The following CALN1 variants were observed in gnomAD, a reference collection of about 807,000 sequenced individuals.
CALN1 encodes calneuron 1.
CALN1 carries 17 observed loss-of-function variants against 30.6 expected under a neutral mutation model. The ratio of observed to expected loss-of-function variants is 0.56; its 90% confidence interval spans 0.38 to 0.83. CALN1 has a LOEUF of 0.83. CALN1 is among the 40% of genes least tolerant of loss of function. The probability of loss-of-function intolerance (pLI) is 0.00; values close to 1 mark genes in which losing one functional copy is unlikely to be tolerated. For missense variants in CALN1, 291 were observed against 354.9 expected (o/e 0.82, Z 1.45); for synonymous variants, 156 against 131.4 (o/e 1.19, Z -1.28).
chr7:71,940,943 T>TA (rs1383288660), intron 5 of CALN1, among the ~76,000 whole-genome samples: 5 of 152,162 alleles, frequency 3.3e-5, no homozygotes, highest in Non-Finnish European at 7.3e-5. Flanking sequence ...CTTAGTTTTA[T>TA]ACAAATTACT....
chr7:72,406,979 G>C (rs1806739124), intron 1 of CALN1, among the ~76,000 whole-genome samples: 2 of 152,156 alleles, frequency 1.3e-5, no homozygotes, highest in South Asian at 4.1e-4. Flanking sequence ...AATGCCCCTG[G>C]AACACTGCCC....
intron 5 of CALN1, among the ~76,000 whole-genome samples, chr7:71,912,418 C>T (rs1794471860): frequency 6.6e-6 from 1 of 152,088 alleles, no homozygotes; most frequent in South Asian, 2.1e-4. Flanking sequence ...ATGCAGTTTT[C>T]CTGTTGAACA....
At chr7:72,170,636 G>C (rs193078071) in intron 3 of CALN1, among the ~76,000 whole-genome samples, 90 of 152,318 alleles carry the variant, frequency 5.9e-4, no homozygotes, top group Non-Finnish European at 9.6e-4. Flanking sequence ...TAAGCTCCAA[G>C]ATGGGGTTCC....
rs906804253 is a variant in CALN1, at chr7:71,787,003, C to G, written c.*772G>C. The G allele has an allele frequency of 4.6e-5, 7 of 152,636 alleles. No individual in the cohort carries two copies. The highest frequency in any genetic ancestry group is 1.7e-4 in the African/African-American group (7 of 41,444). 9.5% of individuals were successfully genotyped at this position (152,636 alleles called of 1,614,324 possible). ...TATAGAGATGCCCACGATTATGCTT[C>G]TTTTTTTCTCTAATGGCAGCACAGG... On this transcript the variant is annotated 3_prime_UTR_variant, in exon 7 of 7. Coordinates refer to ENST00000395275, the MANE Select transcript of CALN1 (RefSeq NM_031468.4).
intron 2 of CALN1, among the ~76,000 whole-genome samples, chr7:72,338,164 C>A (rs1160834103): frequency 1.3e-5 from 2 of 152,148 alleles, no homozygotes; most frequent in Non-Finnish European, 2.9e-5. Context: ...TCTGCTGCCC[C>A]CAAGGTTGTG....
chr7:72,380,998 G>A (rs577777855), intron 2 of CALN1, among the ~76,000 whole-genome samples: 2 of 152,126 alleles, frequency 1.3e-5, no homozygotes, highest in South Asian at 4.2e-4. Flanking sequence ...TAAGGAGAGA[G>A]GAATGAAACA....
the CALN1 span, among the ~76,000 whole-genome samples, chr7:72,500,753 GTTA>G: frequency 6.6e-6 from 1 of 151,736 alleles, no homozygotes; most frequent in Non-Finnish European, 1.5e-5. Flanking sequence ...AGGCACTAAT[GTTA>G]TTATCTTATT....
intron 1 of CALN1, among the ~76,000 whole-genome samples, chr7:72,432,867 G>A (rs763090602): frequency 3.3e-5 from 5 of 152,130 alleles, no homozygotes; most frequent in East Asian, 1.9e-4. Context: ...GATCTGCCTC[G>A]GCAAAAAGAC....
upstream of CALN1, among the ~76,000 whole-genome samples, chr7:72,451,446 GGA>G (rs1382484913): frequency 1.3e-5 from 2 of 151,684 alleles, no homozygotes; most frequent in African/African-American, 4.9e-5. Flanking sequence ...AGGAGGAGAA[GGA>G]GAAGAAGAGA....
At chr7:71,864,538 T>C (rs559699056) in intron 5 of CALN1, among the ~76,000 whole-genome samples, 2 of 152,302 alleles carry the variant, frequency 1.3e-5, no homozygotes, top group African/African-American at 4.8e-5. Flanking sequence ...ACTAGAATCC[T>C]GAGCTCCAAA....
intron 2 of CALN1, among the ~76,000 whole-genome samples, chr7:72,389,947 G>T (rs1057098877): frequency 1.3e-5 from 2 of 148,286 alleles, no homozygotes; most frequent in Non-Finnish European, 3.0e-5. Context: ...AAAGAAGAAA[G>T]AAAAGAAAAA....
chr7:71,826,888 G>A (rs140667268), intron 5 of CALN1, among the ~76,000 whole-genome samples: 200 of 152,262 alleles, frequency 1.3e-3, no homozygotes, highest in African/African-American at 4.2e-3. Context: ...ATGTTGCCCA[G>A]GCTGGTCTCC....
rs55977265 is a variant in CALN1 at position 71,837,243 on chromosome 7, C to CAAAAAAAAAAA, written c.502-26762_502-26752dup. On this transcript the variant is annotated intron_variant, in intron 5 of 6. Coordinates refer to ENST00000395275, the MANE Select transcript of CALN1 (RefSeq NM_031468.4). ...CGAAACTCCATCTCAAAAAAAAAGA[C>CAAAAAAAAAAA]AAAAAAAAAAAAAAAAAAAAAAGCC... Among the ~76,000 whole-genome samples the CAAAAAAAAAAA allele has an allele frequency of 1.6e-3, 128 of 79,124 alleles. 2 individuals are homozygous for CAAAAAAAAAAA. The highest frequency in any genetic ancestry group is 2.1e-3 in the Non-Finnish European group (93 of 44,900). 51.9% of individuals were successfully genotyped at this position (79,124 alleles called of 152,430 possible). A position where few individuals can be genotyped will look rare whatever the true frequency, so the allele number is the denominator to read the frequency against.
intron 2 of CALN1, among the ~76,000 whole-genome samples, chr7:72,308,376 A>G (rs1337101825): frequency 0.045 from 990 of 22,184 alleles, 140 homozygotes; most frequent in African/African-American, 0.18. Context: ...GGGGGGGGAG[A>G]GAGAGAGAGA....
chr7:72,005,981 A>C (rs922194353), intron 5 of CALN1, among the ~76,000 whole-genome samples: 1 of 152,200 alleles, frequency 6.6e-6, no homozygotes, highest in Non-Finnish European at 1.5e-5. Flanking sequence ...GACTATTAGC[A>C]GTTTGTATCA....
chr7:72,038,566 A>C (rs1801941880), intron 4 of CALN1, among the ~76,000 whole-genome samples: 1 of 152,078 alleles, frequency 6.6e-6, no homozygotes, highest in Non-Finnish European at 1.5e-5. Context: ...TGGGTAAAAT[A>C]AGGCTGAAAC....
intron 4 of CALN1, among the ~76,000 whole-genome samples, chr7:72,034,794 T>C (rs1474196115): frequency 4.1e-4 from 13 of 31,666 alleles, no homozygotes; most frequent in Admixed American, 1.1e-3. Context: ...AGACTCTGTC[T>C]CAAAAAAAAA....
At chr7:71,810,062 C>T (rs1370488138) in intron 6 of CALN1, among the ~76,000 whole-genome samples, 1 of 152,162 alleles carries the variant, frequency 6.6e-6, no homozygotes, top group Non-Finnish European at 1.5e-5. Context: ...CAAAACCACA[C>T]ATCCAATCAC....
At chr7:72,377,764 C>G (rs1037175183) in intron 2 of CALN1, among the ~76,000 whole-genome samples, 8 of 152,068 alleles carry the variant, frequency 5.3e-5, no homozygotes, top group African/African-American at 1.9e-4. Context: ...CAGAAGAGCT[C>G]TGTTAGGTTT....
Sources: gnomAD v4.1 joint callset for allele counts (sites outside exome capture counted in the v4.1 genomes callset) on GRCh38, gnomAD v4.1.1 for gene constraint, MANE v1.5 for transcripts, NCBI Gene and HGNC (gene_info 2026-07-23, HGNC 2026-07-21) for gene names.